Variants in AFF3 observed in about 807,000 individuals in gnomAD.
AFF3 encodes the protein AF4/FMR2 family member 3.
AFF3 carries 32 observed loss-of-function variants against 129.7 expected under a neutral mutation model. The observed-to-expected ratio is 0.25, with a 90% CI of 0.19 to 0.33. The LOEUF (loss-of-function observed/expected upper bound fraction) is 0.33, where lower values mean the gene tolerates loss of function less well. Among genes scored for constraint, AFF3 ranks in the 10% least tolerant of loss-of-function variants. The probability of loss-of-function intolerance (pLI) is 1.00; values close to 1 mark genes in which losing one functional copy is unlikely to be tolerated. For synonymous variants in AFF3, 644 were observed against 635.4 expected, an observed-to-expected ratio of 1.01 and a Z score of -0.20; for missense variants, 1,373 against 1,592.0, an observed-to-expected ratio of 0.86 and a Z score of 2.34.
intron 11 of AFF3, among the ~76,000 whole-genome samples, chr2:99,705,498 A>G (rs1348143397): frequency 6.6e-6 from 1 of 152,016 alleles, no homozygotes; most frequent in Admixed American, 6.6e-5. Context: ...AATAAGTTTA[A>G]GGTGAAAAAA....
At position 99,545,741 on chromosome 2, in the gene AFF3, A is replaced by G. The variant is rs1674057690; in HGVS notation, c.*5733T>C. The G allele has an allele frequency of 1.2e-5, 2 of 173,204 alleles. No homozygotes were observed. The highest frequency in any genetic ancestry group is 4.0e-4 in the South Asian group (2 of 5,002). The allele number at this position is 173,204 out of a possible 1,614,324, so 10.7% of individuals were successfully genotyped here. On this transcript the variant is annotated 3_prime_UTR_variant, in exon 25 of 25. Transcript: ENST00000672756. ...TAACACACAGAGATTTAATCCCTTG[A>G]TTCCCATTACTGTGAGTAAGAGCTG...
At chr2:99,551,696 A>C in intron 24 of AFF3, 101 bp from the exon 25 acceptor site, 2 of 1,436,710 alleles carry the variant, frequency 1.4e-6, no homozygotes, top group East Asian at 2.3e-5. Flanking sequence ...CTCTATATAA[A>C]TCAAGGATTC....
At chr2:99,621,596 GA>G (rs1456471124) in intron 13 of AFF3, among the ~76,000 whole-genome samples, 1 of 152,240 alleles carries the variant, frequency 6.6e-6, no homozygotes, top group African/African-American at 2.4e-5. Context: ...GGTGGGGACA[GA>G]AGGCACAAGG....
chr2:99,556,450 A>C (rs1674927121), intron 22 of AFF3, among the ~76,000 whole-genome samples: 1 of 152,168 alleles, frequency 6.6e-6, no homozygotes, highest in African/African-American at 2.4e-5. Context: ...TCAAAAAAAA[A>C]CAACAAAAAA....
intron 7 of AFF3, among the ~76,000 whole-genome samples, chr2:99,993,866 T>C (rs915129328): frequency 1.4e-5 from 2 of 138,362 alleles, no homozygotes; most frequent in Non-Finnish European, 3.0e-5. Context: ...AGTGCAATGG[T>C]GTGATCTCGG....
At chr2:99,938,695 C>T (rs1220138864) in intron 7 of AFF3, among the ~76,000 whole-genome samples, 4 of 152,180 alleles carry the variant, frequency 2.6e-5, no homozygotes, top group Non-Finnish European at 5.9e-5. Flanking sequence ...ATTCTGCCAT[C>T]AGACAGCCTT....
intron 7 of AFF3, among the ~76,000 whole-genome samples, chr2:99,986,210 T>C (rs1679852278): frequency 8.3e-6 from 1 of 120,394 alleles, no homozygotes; most frequent in Admixed American, 7.5e-5. Flanking sequence ...CAAATAATAA[T>C]AATAATAATA....
intron 4 of AFF3, among the ~76,000 whole-genome samples, chr2:100,063,048 C>T (rs1377105873): frequency 3.9e-5 from 6 of 151,974 alleles, no homozygotes; most frequent in African/African-American, 1.5e-4. Flanking sequence ...TCCAGGAGTT[C>T]AGGACCAGCC....
chr2:100,057,334 A>AC (rs1451794929), intron 4 of AFF3, among the ~76,000 whole-genome samples: 6 of 151,056 alleles, frequency 4.0e-5, no homozygotes, highest in Admixed American at 1.3e-4. Flanking sequence ...AAAAAAAAAA[A>AC]AAAAAAAAAA....
chr2:99,636,783 C>A (rs1683702815), intron 13 of AFF3, among the ~76,000 whole-genome samples: 1 of 152,156 alleles, frequency 6.6e-6, no homozygotes, highest in Admixed American at 6.5e-5. Flanking sequence ...GAAGGTCAGG[C>A]CGCCCCAGTG....
At chr2:99,819,808 A>G (rs573639559) in intron 8 of AFF3, among the ~76,000 whole-genome samples, 2 of 152,310 alleles carry the variant, frequency 1.3e-5, no homozygotes, top group South Asian at 4.1e-4. Flanking sequence ...CTGTGTGGTC[A>G]GGGGAGCCGG....
intron 3 of AFF3, 179 bp from the exon 4 acceptor site, chr2:100,104,697 C>G: frequency 2.1e-6 from 2 of 968,046 alleles, no homozygotes; most frequent in Non-Finnish European, 2.4e-6. Flanking sequence ...CAGGCACACT[C>G]AAGAGAGAGC....
At chr2:99,897,581 C>T (rs544294235) in intron 7 of AFF3, among the ~76,000 whole-genome samples, 3 of 152,272 alleles carry the variant, frequency 2.0e-5, no homozygotes, top group South Asian at 2.1e-4. Flanking sequence ...ACCACCTTTT[C>T]AAAACCCGGC....
At chr2:99,848,548 A>G (rs1288721606) in intron 7 of AFF3, among the ~76,000 whole-genome samples, 1 of 152,198 alleles carries the variant, frequency 6.6e-6, no homozygotes, top group Admixed American at 6.5e-5. Context: ...TACCTTTCCA[A>G]TGGAGAAAAG....
intron 9 of AFF3, 60 bp downstream of exon 9, chr2:99,752,161 G>A (rs530090505): frequency 5.6e-6 from 8 of 1,420,634 alleles, no homozygotes; most frequent in Non-Finnish European, 7.9e-6. Context: ...AAAGCCCACT[G>A]CCCACTAGAA....
chr2:99,952,105 C>T (rs915202436), intron 7 of AFF3, among the ~76,000 whole-genome samples: 4 of 152,142 alleles, frequency 2.6e-5, no homozygotes, highest in East Asian at 1.9e-4. Context: ...CCAAGTCTCA[C>T]GTCGAATTAT....
At chr2:99,696,497 G>A (rs17022916) in intron 11 of AFF3, among the ~76,000 whole-genome samples, 3,653 of 152,246 alleles carry the variant, frequency 0.024, 136 homozygotes, top group African/African-American at 0.081. Flanking sequence ...GGTTTTCTAC[G>A]AAGAGAAGAG....
At chr2:99,947,643 GAT>G (rs1489447260) in intron 7 of AFF3, among the ~76,000 whole-genome samples, 3 of 151,096 alleles carry the variant, frequency 2.0e-5, no homozygotes, top group Admixed American at 6.6e-5. Flanking sequence ...TAGATAGATA[GAT>G]AGATAGATAG....
chr2:99,621,930 T>C (rs1489954334), intron 13 of AFF3, among the ~76,000 whole-genome samples: 1 of 152,110 alleles, frequency 6.6e-6, no homozygotes, highest in Non-Finnish European at 1.5e-5. Flanking sequence ...GGAGGAACCA[T>C]TTATCCTTCC....
Sources: allele counts gnomAD v4.1 joint callset (sites outside exome capture counted in the v4.1 genomes callset), GRCh38; gene constraint gnomAD v4.1.1; transcripts MANE v1.5; gene names NCBI Gene and HGNC (gene_info 2026-07-23, HGNC 2026-07-21).